Variants in LRP1 observed in about 807,000 individuals in gnomAD.
LRP1 encodes LDL receptor related protein 1, also known as prolow-density lipoprotein receptor-related protein 1.
Under a neutral mutation model 541.5 loss-of-function variants are expected in LRP1, and 51 were observed. The ratio of observed to expected loss-of-function variants is 0.09; its 90% CI spans 0.08 to 0.12. LRP1 has a LOEUF of 0.12. LRP1 is among the 10% of genes least tolerant of loss of function. The pLI is 1.00. For synonymous variants in LRP1, 2,219 were observed against 2,470.8 expected (o/e 0.90, Z 3.02); for missense variants, 3,878 against 6,376.2 (o/e 0.61, Z 13.34).
intron 76 of LRP1, among the ~76,000 whole-genome samples, chr12:57,207,696 G>C (rs975763252): frequency 1.3e-5 from 2 of 152,246 alleles, no homozygotes; most frequent in African/African-American, 4.8e-5. Context: ...CCAGGGCACA[G>C]GGCATGATGG....
chr12:57,155,663 G>A (rs556129488), intron 8 of LRP1: 1 of 157,742 alleles, frequency 6.3e-6, no homozygotes, highest in South Asian at 1.9e-4. Flanking sequence ...TTAAAAAATG[G>A]TGGGGCCAGG....
Position 57,184,326 on chromosome 12 carries a change from G to A in LRP1, c.6060G>A (p.Gly2020=), listed in dbSNP as rs757681302. ...CCCCACTTCCACCCCCACCCTACAG[G>A]TACTTGTTCTGGACTGAGTGGGGTC... is the stretch of plus-strand genomic sequence containing the variant. The part of the protein sequence containing the change: ...PRAITVHPEK[G]YLFWTEWGQY... The change falls in exon 38 of 89, where the codon GGG becomes GGA. Residue 2020 remains glycine, a splice_region_variant and synonymous_variant. Transcript: ENST00000243077. This position sits in a 1 kb window ranked among gnomAD's most constrained non-coding sequence, Gnocchi z 7.8. 1.9e-6 allele frequency: 3 copies of A among 1,614,210 alleles called. No homozygotes were observed. The highest frequency in any genetic ancestry group is 2.5e-6 in the Non-Finnish European group (3 of 1,180,032).
chr12:57,182,516 T>TAA (rs530599434), intron 34 of LRP1, among the ~76,000 whole-genome samples: 33 of 113,852 alleles, frequency 2.9e-4, no homozygotes, highest in African/African-American at 8.7e-4. Context: ...CCATCTCAAT[T>TAA]AAAAAAAAAA....
At position 57,173,842 on chromosome 12, in the gene LRP1, G is replaced by A. The variant is rs368351482; in HGVS notation, c.3409G>A (p.Glu1137Lys). The A allele has an allele frequency of 1.2e-6, 2 of 1,614,226 alleles. No homozygotes were observed. The highest frequency in any genetic ancestry group is 1.7e-6 in the Non-Finnish European group (2 of 1,180,032). ...GDNDCEDNSDEENCESLACRP... is the reference protein window; with the variant it reads ...GDNDCEDNSDKENCESLACRP... Reference sequence around the variant, plus strand: ...CAATGACTGTGAGGATAACTCGGACGAGGAGAACTGCGAGTCCCTGGCCTG... The same window carrying A: ...CAATGACTGTGAGGATAACTCGGACAAGGAGAACTGCGAGTCCCTGGCCTG... Residue 1137 changes from glutamate (E) to lysine (K), a missense_variant, in exon 22 of 89, where the codon GAG (glutamate) becomes AAG (lysine). Physicochemically the swap from Glu to Lys is moderately conservative, Grantham distance 56. Coordinates refer to ENST00000243077, the MANE Select transcript of LRP1 (RefSeq NM_002332.3). The surrounding 1 kb of genome is among the most constrained non-coding windows in gnomAD (Gnocchi z 4.7).
intron 77 of LRP1, 190 bp from the exon 78 acceptor site, chr12:57,208,519 CTG>C: frequency 1.7e-6 from 1 of 591,536 alleles, no homozygotes; most frequent in South Asian, 2.1e-5. Context: ...AATGAGCACA[CTG>C]TGGTTTTAGA....
chr12:57,212,539 G>A lies in LRP1; in HGVS notation c.13619G>A (p.Gly4540Glu). The change falls in exon 89 of 89, where the codon GGG (glycine) becomes GAG (glutamate). Residue 4540 changes from glycine to glutamate, a missense_variant. Gly to Glu is a moderately conservative substitution (Grantham distance 98, BLOSUM62 -2). Coordinates refer to ENST00000243077, the MANE Select transcript of LRP1 (RefSeq NM_002332.3). This position sits in a 1 kb window ranked among gnomAD's most constrained non-coding sequence, Gnocchi z 5.0. ...LLGRGPEDEI[G>E]DPLA is the part of the protein sequence containing the mutation. ...GGCCGGGGCCCTGAGGACGAGATAG[G>A]GGACCCCTTGGCATAGGGCCCTGCC... The A allele has an allele frequency of 6.2e-7, 1 of 1,610,330 alleles. No individual in the cohort carries two copies. Among genetic ancestry groups the A allele is most frequent in the Non-Finnish European group, 8.5e-7 (1 of 1,178,056 alleles).
chr12:57,149,676 A>C (rs762176302), intron 6 of LRP1: 1 of 732,430 alleles, frequency 1.4e-6, no homozygotes, highest in African/African-American at 1.7e-5. Flanking sequence ...GGCTGGAATC[A>C]CAGGCAGGAG....
chr12:57,201,015 C>T lies in LRP1; in HGVS notation c.10226-19C>T. ...TGAGTCCTCCCTTCGCCACGAATCA[C>T]CTCCTCCTCCCTCCACAGACATCCA... On this transcript the variant is annotated intron_variant, in intron 64 of 88. Coordinates refer to ENST00000243077, the MANE Select transcript of LRP1 (RefSeq NM_002332.3). The surrounding 1 kb of genome is among the most constrained non-coding windows in gnomAD (Gnocchi z 6.4). The T allele has an allele frequency of 6.2e-7, 1 of 1,613,968 alleles. No individual in the cohort carries two copies. The highest frequency in any genetic ancestry group is 8.5e-7 in the Non-Finnish European group (1 of 1,179,952).
At chr12:57,166,754 T>C (rs926888696) in intron 17 of LRP1, among the ~76,000 whole-genome samples, 176 bp from the exon 18 acceptor site, 5 of 152,152 alleles carry the variant, frequency 3.3e-5, no homozygotes, top group Admixed American at 2.0e-4. Context: ...CAGAGACCCC[T>C]TGAGAGAAAG....
At position 57,203,221 on chromosome 12, in the gene LRP1, C is replaced by A. The variant is rs745906719; in HGVS notation, c.10752C>A (p.Asn3584Lys). The A allele has an allele frequency of 6.2e-7, 1 of 1,610,090 alleles. No individual in the cohort carries two copies. Among genetic ancestry groups the A allele is most frequent in the Non-Finnish European group, 8.5e-7 (1 of 1,178,320 alleles). The change falls in exon 69 of 89, where the codon AAC (asparagine) becomes AAA (lysine). Residue 3584 changes from asparagine to lysine, a missense_variant. Asn to Lys is a moderately conservative substitution (Grantham distance 94). Coordinates refer to ENST00000243077, the MANE Select transcript of LRP1 (RefSeq NM_002332.3). Reference protein sequence around the residue: ...PCSESEFSCANGRCIAGRWKC... With the variant: ...PCSESEFSCAKGRCIAGRWKC... ...CCGAGAGTGAGTTCTCCTGTGCCAACGGCCGCTGCATCGCGGGGCGCTGGA... is the reference window on the plus strand; with the variant it reads ...CCGAGAGTGAGTTCTCCTGTGCCAAAGGCCGCTGCATCGCGGGGCGCTGGA...
At chr12:57,209,410 T>C (rs2036858848) in intron 79 of LRP1, among the ~76,000 whole-genome samples, 1 of 152,118 alleles carries the variant, frequency 6.6e-6, no homozygotes, top group Non-Finnish European at 1.5e-5. Flanking sequence ...TACTTGTCCA[T>C]TCATTGGTTG....
intron 68 of LRP1, 150 bp downstream of exon 68, chr12:57,202,687 G>C (rs938393212): frequency 1.4e-5 from 9 of 628,678 alleles, no homozygotes; most frequent in Admixed American, 2.5e-5. Context: ...ACTCCATGTC[G>C]TGTATTTGAG....
intron 10 of LRP1, among the ~76,000 whole-genome samples, chr12:57,157,848 G>T (rs1421178895): frequency 6.6e-6 from 1 of 152,242 alleles, no homozygotes; most frequent in Admixed American, 6.5e-5. Flanking sequence ...GCTGAGTGGT[G>T]TGAGGGCAGA....
At chr12:57,157,412 A>G (rs971174393) in intron 10 of LRP1, among the ~76,000 whole-genome samples, 2 of 152,192 alleles carry the variant, frequency 1.3e-5, no homozygotes, top group South Asian at 2.1e-4. Context: ...GGCGTTCCAC[A>G]CCAGGCTGGC....
Position 57,158,335 on chromosome 12 carries a change from G to A in LRP1, c.1562-67G>A, listed in dbSNP as rs1440101517. 5.3e-6 allele frequency: 7 copies of A among 1,331,942 alleles called. No homozygotes were observed. The highest frequency in any genetic ancestry group is 4.0e-5 in the South Asian group (3 of 74,880). The allele number at this position is 1,331,942 out of a possible 1,614,324, so 82.5% of individuals were successfully genotyped here. A position where few individuals can be genotyped will look rare whatever the true frequency, so the allele number is the denominator to read the frequency against. On this transcript the variant is annotated intron_variant, in intron 10 of 88. Transcript: ENST00000243077. The surrounding 1 kb of genome is among the most constrained non-coding windows in gnomAD (Gnocchi z 5.3). ...GCTAGGGCATTGCAGCCCCTTGGCC[G>A]CAGCCCCTGGGTGGGGATGATGGTC...
intron 34 of LRP1, among the ~76,000 whole-genome samples, chr12:57,182,437 G>C (rs894196152): frequency 4.0e-5 from 6 of 151,588 alleles, no homozygotes; most frequent in Admixed American, 1.3e-4. Context: ...CTTGAACCGG[G>C]AAGGTTCAAG....
Position 57,197,803 on chromosome 12 carries a change from G to C in LRP1, c.9282+139G>C. On this transcript the variant is annotated intron_variant, in intron 58 of 88. Coordinates refer to ENST00000243077, the MANE Select transcript of LRP1 (RefSeq NM_002332.3). The surrounding 1 kb of genome is among the most constrained non-coding windows in gnomAD (Gnocchi z 4.5). ...CACTATATGACTGCTTGTTCTAGCT[G>C]CTCACTCTCCTCTGGGCCCAGACAG... The C allele has an allele frequency of 1.0e-6, 1 of 997,378 alleles. No individual in the cohort carries two copies. The highest frequency in any genetic ancestry group is 1.4e-6 in the Non-Finnish European group (1 of 691,782). 61.8% of individuals were successfully genotyped at this position (997,378 alleles called of 1,614,324 possible).
chr12:57,129,074 C>G lies in LRP1; in HGVS notation c.67+43C>G, dbSNP rs756374931. On this transcript the variant is annotated intron_variant, in intron 1 of 88. Transcript: ENST00000243077. ...TCCCCCTTGGACCCCTGGGGGCACCCTCTCCCCAGCCCCCACTCCTGCATA... is the reference window on the plus strand; with the variant it reads ...TCCCCCTTGGACCCCTGGGGGCACCGTCTCCCCAGCCCCCACTCCTGCATA... The G allele has an allele frequency of 3.3e-6, 5 of 1,534,326 alleles. No homozygotes were observed. In the South Asian group the frequency reaches 6.0e-5, roughly 18 times the overall value.
rs77716450 is a variant in LRP1 at position 57,201,351 on chromosome 12, C to T, written c.10346-146C>T. 79 of 1,392,092 alleles carry T rather than the reference C, an allele frequency of 5.7e-5. No homozygotes were observed. The highest frequency in any genetic ancestry group is 7.3e-5 in the Non-Finnish European group (75 of 1,027,822). The allele number at this position is 1,392,092 out of a possible 1,614,324, so 86.2% of individuals were successfully genotyped here. ...ACATAGAGATCCAGAAAACAAAAAG[C>T]ACCAAAACTGGGGATAAACTGTTCC... On this transcript the variant is annotated intron_variant, in intron 65 of 88. Coordinates refer to ENST00000243077, the MANE Select transcript of LRP1 (RefSeq NM_002332.3). This position sits in a 1 kb window ranked among gnomAD's most constrained non-coding sequence, Gnocchi z 6.4.
Sources: allele counts gnomAD v4.1 joint callset (sites outside exome capture counted in the v4.1 genomes callset), GRCh38; gene constraint gnomAD v4.1.1; non-coding constraint Gnocchi (gnomAD v3.1); transcripts MANE v1.5; gene names NCBI Gene and HGNC (gene_info 2026-07-23, HGNC 2026-07-21).